The following DUSP15 variants were observed in gnomAD, a reference collection of about 807,000 sequenced individuals.
The protein encoded by DUSP15 is dual specificity phosphatase 15, also known as dual specificity protein phosphatase 15.
Under a neutral mutation model 26.3 loss-of-function variants are expected in DUSP15, and 23 were observed. That is an observed-to-expected ratio of 0.87 (90% confidence interval 0.63 to 1.24). DUSP15 has a LOEUF of 1.24. Among genes scored for constraint, DUSP15 ranks in the 50% most tolerant of loss-of-function variants. The pLI, the probability that DUSP15 is intolerant of heterozygous loss-of-function variation, is 0.00. For missense variants in DUSP15, 364 were observed against 320.6 expected (o/e 1.14, Z -1.03); for synonymous variants, 143 against 135.5 (o/e 1.06, Z -0.39).
At position 31,861,193 on chromosome 20, in the gene DUSP15, G is replaced by T; in HGVS notation, c.*210C>A. On this transcript the variant is annotated 3_prime_UTR_variant, in exon 7 of 7. Coordinates refer to ENST00000339738, the MANE Select transcript of DUSP15 (RefSeq NM_080611.5). ...CCCCAGCCCAAGGACTAAGGCACCA[G>T]GTGGCTGCAGCAGGCCGGCCCGGAC... The T allele has an allele frequency of 7.4e-7, 1 of 1,342,374 alleles. No homozygotes were observed. Among genetic ancestry groups the T allele is most frequent in the Non-Finnish European group, 9.5e-7 (1 of 1,052,976 alleles). The allele number at this position is 1,342,374 out of a possible 1,614,324, so 83.2% of individuals were successfully genotyped here. A position where few individuals can be genotyped will look rare whatever the true frequency, so the allele number is the denominator to read the frequency against.
chr20:31,850,952 AG>A (rs2062458621), intron 6 of DUSP15, among the ~76,000 whole-genome samples: 1 of 152,208 alleles, frequency 6.6e-6, no homozygotes, highest in African/African-American at 2.4e-5. Context: ...GTGACTCCTC[AG>A]GAATTCCCAG....
chr20:31,848,973 G>A, intron 8 of DUSP15: 1 of 1,282,622 alleles, frequency 7.8e-7, no homozygotes, highest in Non-Finnish European at 1.1e-6. Context: ...CAACCCACTG[G>A]TGCCCATCTT....
intron 4 of DUSP15, 66 bp from the exon 5 acceptor site, chr20:31,864,047 C>G (rs2062717714): frequency 6.2e-7 from 1 of 1,604,524 alleles, no homozygotes; most frequent in Non-Finnish European, 8.5e-7. Context: ...GTTCCGCCCC[C>G]ACCCCAATTA....
chr20:31,861,618 ACTC>A lies in DUSP15; in HGVS notation c.490_492del (p.Glu164del), dbSNP rs779613304. ...TTGCACAGCGGCAGCAGCGCGCGCA[ACTC>A]CTCCTCGTCGCGGAAGGGGCTCTCG... is the stretch of plus-strand genomic sequence containing the variant. On this transcript the variant is annotated inframe_deletion, in exon 7 of 7. Coordinates refer to ENST00000339738, the MANE Select transcript of DUSP15 (RefSeq NM_080611.5). 4.3e-6 allele frequency: 6 copies of A among 1,410,976 alleles called. No individual in the cohort carries two copies. The East Asian group carries it at 1.1e-4, about 25-fold the overall frequency. The allele number at this position is 1,410,976 out of a possible 1,614,324, so 87.4% of individuals were successfully genotyped here. A position where few individuals can be genotyped will look rare whatever the true frequency, so the allele number is the denominator to read the frequency against.
chr20:31,864,034 G>T (rs898096389), intron 4 of DUSP15, 53 bp from the exon 5 acceptor site: 3 of 1,608,652 alleles, frequency 1.9e-6, no homozygotes, highest in African/African-American at 1.3e-5. Context: ...CCTCTCAGGA[G>T]TTGTTCCGCC....
chr20:31,868,476 C>CTTTTTTTTTTTTT (rs35862553), intron 2 of DUSP15, among the ~76,000 whole-genome samples: 3 of 97,330 alleles, frequency 3.1e-5, no homozygotes, highest in African/African-American at 4.0e-5. Flanking sequence ...TTTTCTTTCT[C>CTTTTTTTTTTTTT]TTTTTTTTTT....
intron 6 of DUSP15, among the ~76,000 whole-genome samples, chr20:31,854,612 C>T (rs907781620): frequency 6.6e-6 from 1 of 152,044 alleles, no homozygotes; most frequent in Non-Finnish European, 1.5e-5. Flanking sequence ...CTGAGCTGGG[C>T]CTTGAAGGGT....
At position 31,852,621 on chromosome 20, in the gene DUSP15, C is replaced by T. The variant is rs556918533; in HGVS notation, c.427-1945G>A. Among the ~76,000 whole-genome samples the T allele has an allele frequency of 3.3e-5, 5 of 152,198 alleles. No individual in the cohort carries two copies. The East Asian group carries it at 9.7e-4, about 29-fold the overall frequency. On this transcript the variant is annotated intron_variant, in intron 6 of 9. Coordinates refer to the DUSP15 transcript ENST00000278979. ...AGGTCAGGAGTTTGAGACCCCTGGCCAACATGGTGAAACCCTGTCTCTACT... is the reference window on the plus strand; with the variant it reads ...AGGTCAGGAGTTTGAGACCCCTGGCTAACATGGTGAAACCCTGTCTCTACT...
At chr20:31,848,508 G>C (rs773523717) in exon 10 of DUSP15, 14 of 1,608,800 alleles carry the variant, frequency 8.7e-6, no homozygotes, top group Admixed American at 5.1e-5. Context: ...CCATCTGGGC[G>C]CTCGGTTGAG....
chr20:31,863,841 G>A, intron 5 of DUSP15, 66 bp downstream of exon 5: 1 of 1,471,078 alleles, frequency 6.8e-7, no homozygotes, highest in South Asian at 1.1e-5. Flanking sequence ...CAGGGGGAGT[G>A]TGTGTTCAGC....
At chr20:31,869,537 C>A (rs867047209) in intron 2 of DUSP15, 27 bp downstream of exon 2, 1 of 1,607,942 alleles carries the variant, frequency 6.2e-7, no homozygotes, top group Middle Eastern at 1.7e-4. Flanking sequence ...AGTGCCATGG[C>A]CTCGGGACAG....
chr20:31,850,801 G>A, intron 6 of DUSP15: 1 of 985,886 alleles, frequency 1.0e-6, no homozygotes, highest in Non-Finnish European at 1.6e-6. Flanking sequence ...GTCAACCAAA[G>A]GGCCTGGAGG....
chr20:31,865,145 T>A, intron 3 of DUSP15, 143 bp from the exon 4 acceptor site: 1 of 872,032 alleles, frequency 1.1e-6, no homozygotes, highest in Non-Finnish European at 1.9e-6. Context: ...CCAAAGAAAG[T>A]AGTTGTCATC....
chr20:31,870,158 A>T lies in DUSP15; in HGVS notation c.21+159T>A. Reference sequence around the variant, plus strand: ...GAGACGCAGGGTCAGAGAGGGGGAGACCCGACAGCCGCGGTCTCGAGTCAC... The same window carrying T: ...GAGACGCAGGGTCAGAGAGGGGGAGTCCCGACAGCCGCGGTCTCGAGTCAC... On this transcript the variant is annotated intron_variant, in intron 1 of 6. Coordinates refer to ENST00000339738, the MANE Select transcript of DUSP15 (RefSeq NM_080611.5). This position sits in a 1 kb window ranked among gnomAD's most constrained non-coding sequence, Gnocchi z 6.6. 8.2e-7 allele frequency: 1 copy of T among 1,225,038 alleles called. No individual in the cohort carries two copies. Among genetic ancestry groups the T allele is most frequent in the Non-Finnish European group, 1.0e-6 (1 of 983,240 alleles). 75.9% of individuals were successfully genotyped at this position (1,225,038 alleles called of 1,614,324 possible).
At chr20:31,848,232 C>T (rs117259894) in exon 10 of DUSP15, 6,274 of 589,066 alleles carry the variant, frequency 0.011, 56 homozygotes, top group Non-Finnish European at 0.014. Context: ...AGCTGGGGGG[C>T]GGTGTGGCCT....
chr20:31,848,294 C>G (rs576437182), exon 10 of DUSP15: 2 of 1,287,864 alleles, frequency 1.6e-6, no homozygotes, highest in East Asian at 2.7e-5. Flanking sequence ...CGCGATCCAC[C>G]TCTGCCGTCC....
chr20:31,857,974 T>G (rs1600453294), downstream of DUSP15, among the ~76,000 whole-genome samples: 1 of 151,870 alleles, frequency 6.6e-6, no homozygotes, highest in South Asian at 2.1e-4. Flanking sequence ...CTTGGCTGAT[T>G]GTTTTAAGAA....
downstream of DUSP15, among the ~76,000 whole-genome samples, chr20:31,846,129 CACAG>C (rs976814739): frequency 3.6e-5 from 5 of 140,310 alleles, no homozygotes; most frequent in African/African-American, 6.5e-5. Flanking sequence ...GACACACAGA[CACAG>C]ACACACACAC....
exon 10 of DUSP15, chr20:31,848,527 A>G: frequency 6.3e-7 from 1 of 1,598,104 alleles, no homozygotes; most frequent in Non-Finnish European, 8.5e-7. Context: ...AGGCACTTAG[A>G]GTGCAGGACG....
Sources: gnomAD v4.1 joint callset for allele counts (sites outside exome capture counted in the v4.1 genomes callset) on GRCh38, gnomAD v4.1.1 for gene constraint, Gnocchi (gnomAD v3.1) non-coding constraint, MANE v1.5 for transcripts, NCBI Gene and HGNC (gene_info 2026-07-23, HGNC 2026-07-21) for gene names.